PACS1: variants seen among roughly 807,000 people sequenced by gnomAD.
PACS1 encodes phosphofurin acidic cluster sorting protein 1.
In PACS1, 24 loss-of-function variants were observed where a neutral mutation model predicts 115.0. The ratio of observed to expected loss-of-function variants is 0.21; its 90% confidence interval spans 0.15 to 0.29. The LOEUF (loss-of-function observed/expected upper bound fraction) is 0.29, where lower values mean the gene tolerates loss of function less well. Ranked by LOEUF, PACS1 falls within the 10% of genes least tolerant of loss-of-function variation. The probability of loss-of-function intolerance (pLI) is 1.00; values close to 1 mark genes in which losing one functional copy is unlikely to be tolerated. For missense variants in PACS1, 838 were observed against 1,251.2 expected (o/e 0.67, Z 4.98); for synonymous variants, 453 against 504.5 (o/e 0.90, Z 1.37).
At chr11:66,145,411 C>G (rs1859097919) in intron 1 of PACS1, among the ~76,000 whole-genome samples, 1 of 152,118 alleles carries the variant, frequency 6.6e-6, no homozygotes. Context: ...AGTAATGACC[C>G]TCAGTAGCAA....
At chr11:66,174,404 C>G (rs952304938) in intron 1 of PACS1, among the ~76,000 whole-genome samples, 3 of 152,126 alleles carry the variant, frequency 2.0e-5, no homozygotes, top group Non-Finnish European at 4.4e-5. Context: ...CCATATGACC[C>G]TGCAATTCCA....
intron 1 of PACS1, among the ~76,000 whole-genome samples, chr11:66,108,746 C>T (rs1002239998): frequency 1.3e-5 from 2 of 151,866 alleles, no homozygotes; most frequent in African/African-American, 2.4e-5. Flanking sequence ...GCCTGAGTGA[C>T]AGAGAGAGGC....
intron 1 of PACS1, among the ~76,000 whole-genome samples, chr11:66,137,033 C>CG (rs577128600): frequency 1.4e-5 from 2 of 146,070 alleles, no homozygotes; most frequent in Admixed American, 6.9e-5. Flanking sequence ...CCCCCCCCCC[C>CG]ACCATTTCGT....
chr11:66,167,718 G>A (rs513474), intron 1 of PACS1, among the ~76,000 whole-genome samples: 44,572 of 149,642 alleles, frequency 0.3, 7,517 homozygotes, highest in South Asian at 0.46. Flanking sequence ...GTGAGGTGTG[G>A]ATCCAACTTT....
intron 1 of PACS1, among the ~76,000 whole-genome samples, chr11:66,112,699 G>A (rs1858216634): frequency 6.6e-6 from 1 of 152,174 alleles, no homozygotes; most frequent in Non-Finnish European, 1.5e-5. Context: ...GCCAGTGCCA[G>A]GGGTCGAGTT....
chr11:66,229,475 G>T (rs554767336), intron 11 of PACS1, among the ~76,000 whole-genome samples: 1 of 151,778 alleles, frequency 6.6e-6, no homozygotes, highest in Non-Finnish European at 1.5e-5. Flanking sequence ...CGAGGCGGGC[G>T]GATCACGAGG....
chr11:66,167,671 GTATT>G (rs1859639426), intron 1 of PACS1, among the ~76,000 whole-genome samples: 1 of 150,126 alleles, frequency 6.7e-6, no homozygotes. Flanking sequence ...TCACATATAA[GTATT>G]TAAGCTACAT....
chr11:66,087,088 C>T (rs1857584312), intron 1 of PACS1, among the ~76,000 whole-genome samples: 1 of 152,028 alleles, frequency 6.6e-6, no homozygotes, highest in Non-Finnish European at 1.5e-5. Flanking sequence ...ACAACATTAC[C>T]AACGCCCCAG....
intron 1 of PACS1, among the ~76,000 whole-genome samples, chr11:66,102,330 T>A (rs1857936619): frequency 6.6e-6 from 1 of 151,440 alleles, no homozygotes; most frequent in Admixed American, 6.6e-5. Flanking sequence ...TATTATTATT[T>A]TATTTTTTAT....
At chr11:66,201,742 C>G (rs961491599) in intron 2 of PACS1, among the ~76,000 whole-genome samples, 1 of 151,616 alleles carries the variant, frequency 6.6e-6, no homozygotes, top group Admixed American at 6.6e-5. Context: ...TCATTGCAAC[C>G]TCTGCCTCCC....
chr11:66,224,592 A>G (rs1245000436), intron 10 of PACS1, among the ~76,000 whole-genome samples: 1 of 152,154 alleles, frequency 6.6e-6, no homozygotes, highest in Non-Finnish European at 1.5e-5. Flanking sequence ...ATGTCTTTTT[A>G]GTGAGTCCTT....
In PACS1 at chr11:66,230,805, C is replaced by T; in HGVS notation, c.1491C>T (p.Ser497=). ...CAGCCTTTTTCCACCTCCCTGGCAG[C>T]AAAGTGGAGGGGGTGCACACACCCC... ...KTDLQGSASP[S]KVEGVHTPRQ... Residue 497 remains serine, a splice_region_variant and synonymous_variant, in exon 13 of 24, where the codon AGC becomes AGT. Transcript: ENST00000320580. 1.9e-6 allele frequency: 3 copies of T among 1,614,112 alleles called. No individual in the cohort carries two copies. In the South Asian group the frequency reaches 3.3e-5, roughly 18 times the overall value.
At chr11:66,191,429 TG>T (rs1302648865) in intron 1 of PACS1, among the ~76,000 whole-genome samples, 1 of 152,096 alleles carries the variant, frequency 6.6e-6, no homozygotes, top group Admixed American at 6.5e-5. Context: ...GACATCTGGG[TG>T]GTGGGGGCTG....
intron 2 of PACS1, among the ~76,000 whole-genome samples, chr11:66,207,595 A>G (rs1854972057): frequency 6.6e-6 from 1 of 152,180 alleles, no homozygotes; most frequent in African/African-American, 2.4e-5. Context: ...TATTTGATGC[A>G]TTCGGTCTTC....
chr11:66,115,062 A>C (rs536434939), intron 1 of PACS1, among the ~76,000 whole-genome samples: 1 of 152,062 alleles, frequency 6.6e-6, no homozygotes, highest in Non-Finnish European at 1.5e-5. Flanking sequence ...TACAAAAATT[A>C]GCCGGGCATG....
intron 1 of PACS1, among the ~76,000 whole-genome samples, chr11:66,095,914 A>G (rs1428445468): frequency 6.6e-6 from 1 of 151,946 alleles, no homozygotes; most frequent in East Asian, 1.9e-4. Context: ...CATTTTCCCA[A>G]TAAGTTTGTA....
At chr11:66,216,971 A>G (rs1336745776) in intron 7 of PACS1, 196 bp downstream of exon 7, 2 of 581,008 alleles carry the variant, frequency 3.4e-6, no homozygotes, top group Non-Finnish European at 6.2e-6. Flanking sequence ...ATTACTGATA[A>G]GAGTGTTATA....
chr11:66,131,439 TAG>T (rs1485515585), intron 1 of PACS1, among the ~76,000 whole-genome samples: 1 of 152,216 alleles, frequency 6.6e-6, no homozygotes, highest in African/African-American at 2.4e-5. Flanking sequence ...ATTTTTCCAG[TAG>T]AGTTTCTTAT....
chr11:66,204,097 C>G (rs1854878701), intron 2 of PACS1, among the ~76,000 whole-genome samples: 1 of 152,126 alleles, frequency 6.6e-6, no homozygotes, highest in South Asian at 2.1e-4. Context: ...GTGGCTCATG[C>G]CTGTAATCCC....
Sources: gnomAD v4.1 joint callset for allele counts (sites outside exome capture counted in the v4.1 genomes callset) on GRCh38, gnomAD v4.1.1 for gene constraint, MANE v1.5 for transcripts, NCBI Gene and HGNC (gene_info 2026-07-23, HGNC 2026-07-21) for gene names.